The following PTPRQ variants were observed in gnomAD, a reference collection of about 807,000 sequenced individuals.
The protein encoded by PTPRQ is phosphatidylinositol phosphatase PTPRQ.
A neutral mutation model predicts 246.0 loss-of-function variants in PTPRQ; 199 were observed. The observed-to-expected ratio is 0.81, with a 90% CI of 0.72 to 0.91. The LOEUF is 0.91. PTPRQ is among the 40% of genes least tolerant of loss of function. The pLI, the probability that PTPRQ is intolerant of heterozygous loss-of-function variation, is 0.00. For missense variants in PTPRQ, 2,624 were observed against 2,528.4 expected (o/e 1.04, Z -0.81); for synonymous variants, 869 against 853.2 (o/e 1.02, Z -0.32).
intron 9 of PTPRQ, among the ~76,000 whole-genome samples, chr12:80,485,078 C>T (rs1225439877): frequency 4.6e-5 from 7 of 150,900 alleles, no homozygotes; most frequent in Non-Finnish European, 7.4e-5. Flanking sequence ...TTTCAAAGTA[C>T]ATTTGATTAA....
chr12:80,606,251 C>G (rs1406168), intron 27 of PTPRQ, among the ~76,000 whole-genome samples: 9,491 of 150,744 alleles, frequency 0.063, 900 homozygotes, highest in African/African-American at 0.2. Flanking sequence ...TTCTGGATTT[C>G]CAGATTTGGG....
chr12:80,660,296 A>T (rs148124032), intron 39 of PTPRQ, among the ~76,000 whole-genome samples: 31 of 152,128 alleles, frequency 2.0e-4, no homozygotes, highest in Non-Finnish European at 3.7e-4. Flanking sequence ...GGTCTGAGGG[A>T]TGTATGTTAA....
intron 8 of PTPRQ, among the ~76,000 whole-genome samples, chr12:80,477,936 G>C (rs550311577): frequency 6.6e-6 from 1 of 152,216 alleles, no homozygotes; most frequent in African/African-American, 2.4e-5. Context: ...ACTGCAAGGC[G>C]GCAGCGAAGC....
At chr12:80,482,100 G>GC (rs949478258) in intron 8 of PTPRQ, among the ~76,000 whole-genome samples, 13 of 151,808 alleles carry the variant, frequency 8.6e-5, no homozygotes, top group Non-Finnish European at 1.3e-4. Flanking sequence ...AAAGCTGGAG[G>GC]ATCACACTAC....
intron 39 of PTPRQ, among the ~76,000 whole-genome samples, chr12:80,666,437 G>C (rs1398389190): frequency 6.6e-6 from 1 of 151,884 alleles, no homozygotes; most frequent in African/African-American, 2.4e-5. Flanking sequence ...TAAGAGATTG[G>C]TTAACGAATG....
intron 17 of PTPRQ, among the ~76,000 whole-genome samples, chr12:80,517,676 G>A (rs533265219): frequency 3.3e-5 from 5 of 150,480 alleles, no homozygotes; most frequent in Non-Finnish European, 5.9e-5. Flanking sequence ...CCACCTTCTG[G>A]TAACCATGCT....
In PTPRQ at chr12:80,541,673, C is replaced by A; in HGVS notation, c.3273C>A (p.Ile1091=). 1 of 1,551,338 alleles carries A rather than the reference C, an allele frequency of 6.4e-7. No individual in the cohort carries two copies. Among genetic ancestry groups the A allele is most frequent in the Non-Finnish European group, 8.7e-7 (1 of 1,146,726 alleles). ...NGLVFYYVSL[I]LQQTPRHVRP... is the part of the protein sequence containing the mutation. ...TAGTCTTCTACTATGTTTCACTGAT[C>A]TTACAGCAGACTCCTCGCCATGTGA... The change falls in exon 21 of 45, where the codon ATC becomes ATA. Residue 1091 remains isoleucine (I), a synonymous_variant. Transcript: ENST00000644991.
chr12:80,667,114 G>C (rs1224497130), intron 39 of PTPRQ, among the ~76,000 whole-genome samples: 2 of 151,884 alleles, frequency 1.3e-5, no homozygotes, highest in Non-Finnish European at 2.9e-5. Flanking sequence ...GCTTTTTCTA[G>C]CCATTATCTG....
Position 80,536,697 on chromosome 12 carries a change from C to T in PTPRQ, c.2985+1660C>T, listed in dbSNP as rs892515341. ...TACTCTCTATGTCACGCAGTTTTTG[C>T]TTTTTGTTTTGTTCTCTGTAGGGAA... On this transcript the variant is annotated intron_variant, in intron 19 of 44. Coordinates refer to ENST00000644991, the MANE Select transcript of PTPRQ (RefSeq NM_001145026.2). Among the ~76,000 whole-genome samples the T allele has an allele frequency of 3.9e-5, 6 of 152,112 alleles. No homozygotes were observed. In the South Asian group the frequency reaches 8.3e-4, roughly 21 times the overall value.
rs370321499 is a variant in PTPRQ, at chr12:80,495,098, A to T, written c.1702+4A>T. 283 of 1,550,320 alleles carry T rather than the reference A, an allele frequency of 1.8e-4. No individual in the cohort carries two copies. Among genetic ancestry groups the T allele is most frequent in the Non-Finnish European group, 2.2e-4 (250 of 1,146,174 alleles). ...AGTGTTAGGACACGTCAGCAAGGTA[A>T]GGATGTATTTCCTTTGAAACAATTA... is the stretch of plus-strand genomic sequence containing the variant. On this transcript the variant is annotated splice_donor_region_variant and intron_variant, in intron 11 of 44. Coordinates refer to ENST00000644991, the MANE Select transcript of PTPRQ (RefSeq NM_001145026.2).
chr12:80,626,558 C>T (rs1899208050), intron 33 of PTPRQ, among the ~76,000 whole-genome samples: 1 of 152,094 alleles, frequency 6.6e-6, no homozygotes, highest in Non-Finnish European at 1.5e-5. Flanking sequence ...TACATAGCGC[C>T]AATTTCTAGG....
intron 1 of PTPRQ, 113 bp from the exon 2 acceptor site, chr12:80,444,628 C>A (rs1161935386): frequency 3.9e-6 from 3 of 769,550 alleles, no homozygotes; most frequent in Non-Finnish European, 6.6e-6. Context: ...ATGTTATAAA[C>A]AGTGCAGAGT....
chr12:80,624,201 A>G (rs532213629), intron 33 of PTPRQ, among the ~76,000 whole-genome samples: 18 of 152,316 alleles, frequency 1.2e-4, no homozygotes, highest in African/African-American at 3.6e-4. Context: ...GGATCCTGCC[A>G]AGACTAAGGA....
intron 9 of PTPRQ, among the ~76,000 whole-genome samples, chr12:80,489,230 C>T (rs1426735017): frequency 1.3e-5 from 2 of 152,040 alleles, no homozygotes; most frequent in African/African-American, 4.8e-5. Flanking sequence ...AGTCTCCTCT[C>T]TAGACCAACA....
chr12:80,486,739 C>A (rs1894287902), intron 9 of PTPRQ, among the ~76,000 whole-genome samples: 1 of 152,122 alleles, frequency 6.6e-6, no homozygotes, highest in Non-Finnish European at 1.5e-5. Flanking sequence ...TAGCCTCATT[C>A]CCCAACTCAA....
At chr12:80,520,658 G>T (rs1159205452) in intron 17 of PTPRQ, among the ~76,000 whole-genome samples, 1 of 151,842 alleles carries the variant, frequency 6.6e-6, no homozygotes, top group Non-Finnish European at 1.5e-5. Context: ...ATGGTTTCCA[G>T]CTTCATCCAT....
intron 8 of PTPRQ, among the ~76,000 whole-genome samples, chr12:80,475,053 G>A (rs1453884656): frequency 6.6e-6 from 1 of 152,032 alleles, no homozygotes; most frequent in Non-Finnish European, 1.5e-5. Flanking sequence ...ACTTTAATTT[G>A]CTAGATAATG....
rs1897441391 is a variant in PTPRQ, at chr12:80,581,691, A to T, written c.4286-6438A>T. Among the ~76,000 whole-genome samples the T allele has an allele frequency of 2.0e-5, 3 of 152,188 alleles. No individual in the cohort carries two copies. In the East Asian group the frequency reaches 5.8e-4, roughly 29 times the overall value. On this transcript the variant is annotated intron_variant, in intron 25 of 44. Transcript: ENST00000644991. ...AAAAACGATCATCAGCAAAATAAAA[A>T]GACAAATAACAGATTTGGAAAATAT...
chr12:80,603,690 T>C (rs1199946597), intron 26 of PTPRQ, among the ~76,000 whole-genome samples: 1 of 151,590 alleles, frequency 6.6e-6, no homozygotes, highest in Non-Finnish European at 1.5e-5. Flanking sequence ...CTGTTGTTTA[T>C]GTCTTTGTGG....
Sources: gnomAD v4.1 joint callset for allele counts (sites outside exome capture counted in the v4.1 genomes callset) on GRCh38, gnomAD v4.1.1 for gene constraint, MANE v1.5 for transcripts, NCBI Gene and HGNC (gene_info 2026-07-23, HGNC 2026-07-21) for gene names.